Variants in GRK5 observed in about 807,000 individuals in gnomAD.
GRK5 encodes g protein-coupled receptor kinase GRK5.
GRK5 carries 40 observed loss-of-function variants against 78.4 expected under a neutral mutation model. That is an observed-to-expected ratio of 0.51 (90% CI 0.40 to 0.66). GRK5 has a LOEUF of 0.66. Ranked by LOEUF, GRK5 falls within the 30% of genes least tolerant of loss-of-function variation. The pLI, the probability that GRK5 is intolerant of heterozygous loss-of-function variation, is 0.00. For synonymous variants in GRK5, 289 were observed against 296.8 expected, an observed-to-expected ratio of 0.97 and a Z score of 0.27; for missense variants, 598 against 759.9, an observed-to-expected ratio of 0.79 and a Z score of 2.50.
chr10:119,394,344 G>GT (rs1851973192), intron 3 of GRK5, among the ~76,000 whole-genome samples: 1 of 109,794 alleles, frequency 9.1e-6, no homozygotes, highest in Admixed American at 8.0e-5. Flanking sequence ...GTCTGTGTGT[G>GT]GGCATGTGGG....
chr10:119,294,669 T>A (rs1226834739), intron 1 of GRK5, among the ~76,000 whole-genome samples: 2 of 152,122 alleles, frequency 1.3e-5, no homozygotes, highest in African/African-American at 4.8e-5. Flanking sequence ...GGGAGACATA[T>A]AATTTCTAGA....
intron 4 of GRK5, among the ~76,000 whole-genome samples, chr10:119,397,917 G>A (rs1008596746): frequency 4.6e-5 from 7 of 152,212 alleles, no homozygotes; most frequent in Admixed American, 2.0e-4. Flanking sequence ...CTGTTTCTCT[G>A]CTGCATCCAT....
chr10:119,433,389 T>C (rs1852859495), intron 8 of GRK5, among the ~76,000 whole-genome samples: 1 of 152,212 alleles, frequency 6.6e-6, no homozygotes, highest in Admixed American at 6.5e-5. Context: ...AAGAGGATCA[T>C]GTGATTCACA....
At chr10:119,325,841 T>C (rs959291706) in intron 1 of GRK5, among the ~76,000 whole-genome samples, 6 of 152,250 alleles carry the variant, frequency 3.9e-5, no homozygotes, top group African/African-American at 1.2e-4. Flanking sequence ...GTTCATTACA[T>C]GTGTTCATTA....
chr10:119,274,626 G>A (rs1407790123), intron 1 of GRK5, among the ~76,000 whole-genome samples: 3 of 152,232 alleles, frequency 2.0e-5, no homozygotes, highest in Non-Finnish European at 4.4e-5. Flanking sequence ...TGAGGTGCAG[G>A]TGCAGGCTGG....
intron 1 of GRK5, chr10:119,211,401 A>G (rs1029400454): frequency 3.3e-5 from 5 of 152,042 alleles, no homozygotes; most frequent in Non-Finnish European, 7.4e-5. Context: ...TGAGAAGGAG[A>G]GTTTGCTGAG....
rs559813071 is a variant in GRK5 at position 119,336,868 on chromosome 10, G to A, written c.148+10257G>A. On this transcript the variant is annotated intron_variant, in intron 2 of 15. Transcript: ENST00000392870. This position sits in a 1 kb window ranked among gnomAD's most constrained non-coding sequence, Gnocchi z 4.5. ...GTTTGGAACATCAGGTGACCTGTCC[G>A]CAGCTGGAGCTCTCAGGAGGGAAGG... 6.6e-6 allele frequency among the ~76,000 whole-genome samples: 1 copy of A among 152,180 alleles called. No individual in the cohort carries two copies. The highest frequency in any genetic ancestry group is 2.4e-5 in the African/African-American group (1 of 41,442).
At chr10:119,427,472 A>ATCATCATCAGCATCACCG (rs1564931011) in intron 6 of GRK5, among the ~76,000 whole-genome samples, 2 of 143,108 alleles carry the variant, frequency 1.4e-5, no homozygotes, top group Admixed American at 1.4e-4. Flanking sequence ...CAGCATCACC[A>ATCATCATCAGCATCACCG]CCATCATCAG....
intron 1 of GRK5, among the ~76,000 whole-genome samples, chr10:119,289,210 AG>A (rs1849909945): frequency 1.3e-5 from 2 of 152,266 alleles, no homozygotes; most frequent in Admixed American, 1.3e-4. Flanking sequence ...TTGGGTGCTA[AG>A]GGGGCCCAGA....
chr10:119,375,442 G>T (rs915703705), intron 2 of GRK5, among the ~76,000 whole-genome samples: 5 of 152,150 alleles, frequency 3.3e-5, no homozygotes, highest in Non-Finnish European at 7.4e-5. Context: ...AACTGACCCA[G>T]CATCATGAGA....
chr10:119,227,641 G>A (rs1370319770), intron 1 of GRK5, among the ~76,000 whole-genome samples: 6 of 152,252 alleles, frequency 3.9e-5, no homozygotes, highest in Admixed American at 3.9e-4. Flanking sequence ...GATGGAGATA[G>A]TAAATGGGGA....
chr10:119,268,704 T>A (rs1255228742), intron 1 of GRK5, among the ~76,000 whole-genome samples: 1 of 152,214 alleles, frequency 6.6e-6, no homozygotes, highest in Non-Finnish European at 1.5e-5. Flanking sequence ...GCAGTTGTCG[T>A]CACTGTCCCC....
intron 2 of GRK5, among the ~76,000 whole-genome samples, chr10:119,368,593 G>A (rs1851491028): frequency 6.6e-6 from 1 of 152,254 alleles, no homozygotes; most frequent in African/African-American, 2.4e-5. Context: ...GGTCCAGAGA[G>A]AAGAATGATG....
intron 6 of GRK5, among the ~76,000 whole-genome samples, chr10:119,426,602 G>A (rs1395831163): frequency 6.6e-6 from 1 of 152,210 alleles, no homozygotes; most frequent in Admixed American, 6.5e-5. Flanking sequence ...AACAAGGCAG[G>A]TGTTCCGCAA....
At chr10:119,414,517 C>G (rs1054079327) in intron 4 of GRK5, among the ~76,000 whole-genome samples, 2 of 152,228 alleles carry the variant, frequency 1.3e-5, no homozygotes, top group Non-Finnish European at 2.9e-5. Flanking sequence ...CCACATCCTC[C>G]TGCACACTGT....
chr10:119,344,206 T>A (rs1851035103), intron 2 of GRK5, among the ~76,000 whole-genome samples: 1 of 152,100 alleles, frequency 6.6e-6, no homozygotes, highest in Non-Finnish European at 1.5e-5. Flanking sequence ...ATACTTTAAG[T>A]TCTAGGGTAC....
chr10:119,402,462 C>T (rs960923172), intron 4 of GRK5, among the ~76,000 whole-genome samples: 5 of 152,124 alleles, frequency 3.3e-5, no homozygotes, highest in African/African-American at 7.2e-5. Context: ...AGGGTCACTC[C>T]GAGCTGAGGT....
chr10:119,457,484 C>G lies in GRK5; in HGVS notation c.*2417C>G, dbSNP rs940748290. 21 of 152,142 alleles carry G rather than the reference C, an allele frequency of 1.4e-4. No homozygotes were observed. Among genetic ancestry groups the G allele is most frequent in the African/African-American group, 4.3e-4 (18 of 41,392 alleles). The allele number at this position is 152,142 out of a possible 1,614,324, so 9.4% of individuals were successfully genotyped here. A position where few individuals can be genotyped will look rare whatever the true frequency, so the allele number is the denominator to read the frequency against. On this transcript the variant is annotated 3_prime_UTR_variant, in exon 16 of 16. Transcript: ENST00000392870. Reference sequence around the variant, plus strand: ...CCATCATGTTTGCCACCAGCCCTCCCTGAGTGCCCAGAGGAGATGGGGGCA... The same window carrying G: ...CCATCATGTTTGCCACCAGCCCTCCGTGAGTGCCCAGAGGAGATGGGGGCA...
chr10:119,257,940 C>T (rs974164124), intron 1 of GRK5, among the ~76,000 whole-genome samples: 2 of 152,076 alleles, frequency 1.3e-5, no homozygotes, highest in Admixed American at 6.6e-5. Context: ...TTATTTTTTT[C>T]CCATTTATTT....
Sources: allele counts gnomAD v4.1 joint callset (sites outside exome capture counted in the v4.1 genomes callset), GRCh38; gene constraint gnomAD v4.1.1; non-coding constraint Gnocchi (gnomAD v3.1); transcripts MANE v1.5; gene names NCBI Gene and HGNC (gene_info 2026-07-23, HGNC 2026-07-21).